HDX: variants seen among roughly 807,000 people sequenced by gnomAD.
HDX encodes chromosome X open reading frame 43.
Under a neutral mutation model 45.2 loss-of-function variants are expected in HDX, and 19 were observed. The ratio of observed to expected loss-of-function variants is 0.42; its 90% confidence interval spans 0.29 to 0.62. HDX has a LOEUF of 0.62. Among genes scored for constraint, HDX ranks in the 20% least tolerant of loss-of-function variants. The pLI is 0.20. For missense variants in HDX, 532 were observed against 493.9 expected, an observed-to-expected ratio of 1.08 and a Z score of -0.73; for synonymous variants, 188 against 172.8, an observed-to-expected ratio of 1.09 and a Z score of -0.69.
At chrX:84,420,814 T>C (rs1429849071) in intron 5 of HDX, among the ~76,000 whole-genome samples, 3 of 111,635 alleles carry the variant, frequency 2.7e-5, no homozygotes, top group African/African-American at 6.5e-5. Flanking sequence ...GTGGAAACCT[T>C]ACAGGCCAGG....
intron 2 of HDX, among the ~76,000 whole-genome samples, chrX:84,485,706 G>A (rs1239855453): frequency 8.9e-6 from 1 of 111,898 alleles, no homozygotes; most frequent in Non-Finnish European, 1.9e-5. Flanking sequence ...CCAACTTTTT[G>A]CTTTATGTAT....
At chrX:84,494,011 T>TA (rs1402982445) in intron 1 of HDX, among the ~76,000 whole-genome samples, 11 of 109,982 alleles carry the variant, frequency 1.0e-4, no homozygotes, top group African/African-American at 3.3e-4. Context: ...AATTTAAGAA[T>TA]AAAAAAATTA....
At chrX:84,392,443 T>C (rs751044261) in intron 5 of HDX, among the ~76,000 whole-genome samples, 1 of 111,332 alleles carries the variant, frequency 9.0e-6, no homozygotes, top group South Asian at 3.8e-4. Flanking sequence ...TTTTTTCTAA[T>C]TATGTGAAAA....
chrX:84,406,403 A>T (rs1289329132), intron 5 of HDX, among the ~76,000 whole-genome samples: 1 of 105,363 alleles, frequency 9.5e-6, no homozygotes, highest in Admixed American at 1.0e-4. Context: ...CTGTTTAAAT[A>T]AGACAGCAAG....
intron 1 of HDX, among the ~76,000 whole-genome samples, chrX:84,496,762 G>C (rs1240843165): frequency 9.0e-6 from 1 of 111,692 alleles, no homozygotes; most frequent in Non-Finnish European, 1.9e-5. Flanking sequence ...TTTTGTCTTA[G>C]AATAATGAGG....
At chrX:84,388,114 C>T (rs1484523219) in intron 5 of HDX, among the ~76,000 whole-genome samples, 2 of 111,835 alleles carry the variant, frequency 1.8e-5, no homozygotes, top group Non-Finnish European at 3.8e-5. Flanking sequence ...TTTAAGGATG[C>T]TAAAAATAGG....
At chrX:84,453,240 A>C (rs944204061) in intron 4 of HDX, among the ~76,000 whole-genome samples, 2 of 112,206 alleles carry the variant, frequency 1.8e-5, no homozygotes, top group African/African-American at 6.5e-5. Flanking sequence ...CACACACACA[A>C]ATCTTCATAA....
At chrX:84,402,888 A>AATC (rs1402919663) in intron 5 of HDX, among the ~76,000 whole-genome samples, 1 of 111,514 alleles carries the variant, frequency 9.0e-6, no homozygotes, top group Non-Finnish European at 1.9e-5. Flanking sequence ...ATAGCCTTTT[A>AATC]ATCTAAAACG....
intron 3 of HDX, among the ~76,000 whole-genome samples, chrX:84,474,151 G>T (rs1171473504): frequency 8.9e-6 from 1 of 111,739 alleles, no homozygotes; most frequent in South Asian, 3.7e-4. Context: ...AATTAGCCGG[G>T]CGTGGTGGCA....
At chrX:84,330,225 TAATC>T (rs1402690910) in intron 9 of HDX, among the ~76,000 whole-genome samples, 1 of 111,473 alleles carries the variant, frequency 9.0e-6, no homozygotes, top group Non-Finnish European at 1.9e-5. Flanking sequence ...TCTAAAAAAA[TAATC>T]AGCCAGTTAC....
intron 9 of HDX, among the ~76,000 whole-genome samples, chrX:84,331,838 G>A (rs1489045919): frequency 2.7e-5 from 3 of 111,464 alleles, no homozygotes; most frequent in African/African-American, 6.5e-5. Flanking sequence ...GAAGCAATAG[G>A]CTATACCATA....
chrX:84,444,930 A>T (rs1406016449), intron 4 of HDX, among the ~76,000 whole-genome samples: 1 of 111,831 alleles, frequency 8.9e-6, no homozygotes, highest in African/African-American at 3.2e-5. Context: ...TCTTAAAGGA[A>T]TTTTTGCTGT....
intron 6 of HDX, among the ~76,000 whole-genome samples, chrX:84,350,759 T>A (rs1386068653): frequency 8.9e-6 from 1 of 111,998 alleles, no homozygotes; most frequent in Non-Finnish European, 1.9e-5. Context: ...GTTAGGTCAT[T>A]TTTAAAAATC....
At chrX:84,471,175 T>C (rs1481475062) in intron 3 of HDX, among the ~76,000 whole-genome samples, 1 of 110,136 alleles carries the variant, frequency 9.1e-6, no homozygotes, top group Non-Finnish European at 1.9e-5. Context: ...TATAATTATA[T>C]ACATTAGTGT....
chrX:84,406,646 T>C (rs188932101), intron 5 of HDX, among the ~76,000 whole-genome samples: 25 of 111,138 alleles, frequency 2.2e-4, no homozygotes, highest in Admixed American at 1.6e-3. Flanking sequence ...GTTCAAGATA[T>C]GAGATTATTA....
At chrX:84,480,414 C>T (rs1739904051) in intron 2 of HDX, among the ~76,000 whole-genome samples, 1 of 111,447 alleles carries the variant, frequency 9.0e-6, no homozygotes, top group South Asian at 3.7e-4. Context: ...GACATTCTTG[C>T]CTTATTCTCA....
At chrX:84,445,039 A>T (rs1443691604) in intron 4 of HDX, among the ~76,000 whole-genome samples, 1 of 111,989 alleles carries the variant, frequency 8.9e-6, no homozygotes, top group Non-Finnish European at 1.9e-5. Flanking sequence ...TTAAAAATTT[A>T]TTCTAATTAT....
At chrX:84,452,649 A>T (rs1032059998) in intron 4 of HDX, among the ~76,000 whole-genome samples, 1 of 111,547 alleles carries the variant, frequency 9.0e-6, no homozygotes, top group Non-Finnish European at 1.9e-5. Flanking sequence ...GCAATGGATC[A>T]AAATAGAAAA....
intron 5 of HDX, among the ~76,000 whole-genome samples, chrX:84,423,930 C>T (rs771971020): frequency 1.8e-5 from 2 of 111,110 alleles, no homozygotes; most frequent in South Asian, 7.6e-4. Flanking sequence ...TATCTAGTAT[C>T]ACCATTGTTA....
Sources: gnomAD v4.1 joint callset for allele counts (sites outside exome capture counted in the v4.1 genomes callset) on GRCh38, gnomAD v4.1.1 for gene constraint, MANE v1.5 for transcripts, NCBI Gene and HGNC (gene_info 2026-07-23, HGNC 2026-07-21) for gene names.